Variants in SCAI observed in about 807,000 individuals in gnomAD.
The protein encoded by SCAI is protein SCAI.
In SCAI, 24 loss-of-function variants were observed where a neutral mutation model predicts 92.2. The observed-to-expected ratio is 0.26, with a 90% CI of 0.19 to 0.37. The LOEUF is 0.37. SCAI is among the 10% of genes least tolerant of loss of function. The pLI is 1.00. For synonymous variants in SCAI, 261 were observed against 258.6 expected, an observed-to-expected ratio of 1.01 and a Z score of -0.09; for missense variants, 450 against 736.2, an observed-to-expected ratio of 0.61 and a Z score of 4.50.
At chr9:125,015,665 C>G (rs1832742756) in intron 9 of SCAI, among the ~76,000 whole-genome samples, 2 of 152,106 alleles carry the variant, frequency 1.3e-5, no homozygotes, top group Admixed American at 6.6e-5. Flanking sequence ...TTTGACCCAG[C>G]CATCCCATTA....
At chr9:125,096,834 G>A (rs1018480199) in intron 2 of SCAI, among the ~76,000 whole-genome samples, 2 of 152,198 alleles carry the variant, frequency 1.3e-5, no homozygotes, top group African/African-American at 4.8e-5. Context: ...AAACGAAAAT[G>A]AAATTATATG....
In SCAI at chr9:124,961,421, G is replaced by A. The variant is rs187688457; in HGVS notation, c.1675-8468C>T. 3.1e-4 allele frequency among the ~76,000 whole-genome samples: 47 copies of A among 151,926 alleles called. 1 individual carries two copies. The East Asian group carries it at 7.5e-3, about 24-fold the overall frequency. ...TCCTAGAACTTTGGGAGGCTGAGGC[G>A]GTTGGATCACCTGAGGCCAGGAGTT... On this transcript the variant is annotated intron_variant, in intron 17 of 17. Transcript: ENST00000336505.
At chr9:125,111,759 A>C in intron 2 of SCAI, among the ~76,000 whole-genome samples, 1 of 152,140 alleles carries the variant, frequency 6.6e-6, no homozygotes, top group East Asian at 1.9e-4. Context: ...AGGGCCTACA[A>C]CTACCCCAGC....
At chr9:125,114,768 CTTTTTTTT>C (rs10541713) in intron 2 of SCAI, among the ~76,000 whole-genome samples, 4 of 81,674 alleles carry the variant, frequency 4.9e-5, no homozygotes, top group African/African-American at 5.4e-5. Context: ...CCACACCCGG[CTTTTTTTT>C]TTTTTTTTTT....
chr9:125,085,753 C>T (rs538963347), intron 2 of SCAI, among the ~76,000 whole-genome samples: 3 of 152,234 alleles, frequency 2.0e-5, no homozygotes, highest in South Asian at 2.1e-4. Context: ...GGCAACAAAG[C>T]GAGACCTTGT....
chr9:125,061,737 G>T lies in SCAI; in HGVS notation c.99-5730C>A, dbSNP rs146293860. 3.4e-3 allele frequency among the ~76,000 whole-genome samples: 521 copies of T among 151,960 alleles called. 7 individuals are homozygous for T. The highest frequency in any genetic ancestry group is 0.024 in the South Asian group (116 of 4,802). Reference sequence around the variant, plus strand: ...ACAGTGTCACTGCACACCACTGGAGGCAACAGAGCAAGACCCAGCTCAAAA... The same window carrying T: ...ACAGTGTCACTGCACACCACTGGAGTCAACAGAGCAAGACCCAGCTCAAAA... On this transcript the variant is annotated intron_variant, in intron 2 of 17. Coordinates refer to ENST00000336505, the MANE Select transcript of SCAI (RefSeq NM_001144877.3).
rs1396912541 is a variant in SCAI at position 124,950,415 on chromosome 9, G to C, written c.*2392C>G. 6.6e-6 allele frequency: 1 copy of C among 152,112 alleles called. No individual in the cohort carries two copies. Among genetic ancestry groups the C allele is most frequent in the African/African-American group, 2.4e-5 (1 of 41,414 alleles). The allele number at this position is 152,112 out of a possible 1,614,324, so 9.4% of individuals were successfully genotyped here. On this transcript the variant is annotated 3_prime_UTR_variant, in exon 18 of 18. Transcript: ENST00000336505. ...TAGAACTTAGGTCTCCTAGTTCTCA[G>C]ACCAGTGTTCTTTATGCTTAACGGG...
chr9:125,007,149 G>C (rs905338912), intron 9 of SCAI, among the ~76,000 whole-genome samples: 3 of 151,932 alleles, frequency 2.0e-5, no homozygotes. Flanking sequence ...AATGCTGGGG[G>C]ATTTGATTAT....
At chr9:125,107,715 T>C (rs1834829810) in intron 2 of SCAI, among the ~76,000 whole-genome samples, 1 of 151,842 alleles carries the variant, frequency 6.6e-6, no homozygotes, top group South Asian at 2.1e-4. Flanking sequence ...CTGCAGTGAG[T>C]TATGATTGTG....
chr9:124,977,221 A>T (rs1831778714), intron 14 of SCAI, among the ~76,000 whole-genome samples: 1 of 152,184 alleles, frequency 6.6e-6, no homozygotes. Flanking sequence ...CATTACACTA[A>T]CTTATTAAAA....
intron 2 of SCAI, among the ~76,000 whole-genome samples, chr9:125,139,064 G>T (rs1835607998): frequency 6.6e-6 from 1 of 152,158 alleles, no homozygotes; most frequent in Admixed American, 6.6e-5. Context: ...AAAGGAGGGG[G>T]CTTGTCAAGG....
chr9:125,067,965 G>C (rs559828266), intron 2 of SCAI, among the ~76,000 whole-genome samples: 1 of 152,230 alleles, frequency 6.6e-6, no homozygotes, highest in Non-Finnish European at 1.5e-5. Flanking sequence ...CTGCCTCTCT[G>C]GACTGAATTC....
chr9:125,117,702 T>C (rs547329478), intron 2 of SCAI, among the ~76,000 whole-genome samples: 60 of 150,680 alleles, frequency 4.0e-4, no homozygotes, highest in African/African-American at 1.4e-3. Flanking sequence ...TTGAGGAACT[T>C]TGAAGCATTT....
intron 14 of SCAI, among the ~76,000 whole-genome samples, chr9:124,982,692 A>G (rs970688448): frequency 6.6e-6 from 1 of 151,684 alleles, no homozygotes; most frequent in African/African-American, 2.4e-5. Context: ...AAAAAAAAAA[A>G]AAAAAAAAAA....
chr9:125,041,263 TTA>T lies in SCAI; in HGVS notation c.231-11526_231-11525del, dbSNP rs530135052. ...CATTTATTGTAAGTTTTCATCTTTTTTATGTCTCCACGGATCTCTAATGAGAG... is the reference window on the plus strand; with the variant it reads ...CATTTATTGTAAGTTTTCATCTTTTTTGTCTCCACGGATCTCTAATGAGAG... On this transcript the variant is annotated intron_variant, in intron 3 of 17. Transcript: ENST00000336505. Among the ~76,000 whole-genome samples the T allele has an allele frequency of 2.1e-3, 319 of 152,332 alleles. 2 individuals are homozygous for T. The highest frequency in any genetic ancestry group is 3.4e-3 in the Middle Eastern group (1 of 294).
At chr9:124,962,294 A>G (rs1831455412) in intron 17 of SCAI, among the ~76,000 whole-genome samples, 1 of 150,762 alleles carries the variant, frequency 6.6e-6, no homozygotes, top group Non-Finnish European at 1.5e-5. Context: ...CGAGTAGCTG[A>G]GACTACAGGC....
chr9:125,085,494 GA>G (rs60913083), intron 2 of SCAI, among the ~76,000 whole-genome samples: 2 of 150,718 alleles, frequency 1.3e-5, no homozygotes, highest in African/African-American at 4.9e-5. Context: ...TCTCAAAAAA[GA>G]AAAAAAATCA....
intron 15 of SCAI, among the ~76,000 whole-genome samples, chr9:124,973,655 T>A (rs1286549071): frequency 6.6e-6 from 1 of 151,712 alleles, no homozygotes; most frequent in Admixed American, 6.6e-5. Flanking sequence ...ACATTTTTAG[T>A]CTCTCATAAA....
chr9:125,110,910 C>T (rs1239545083), intron 2 of SCAI, among the ~76,000 whole-genome samples: 1 of 152,174 alleles, frequency 6.6e-6, no homozygotes, highest in African/African-American at 2.4e-5. Context: ...TGCTGCCATG[C>T]TTCCTGAACA....
Sources: allele counts gnomAD v4.1 joint callset (sites outside exome capture counted in the v4.1 genomes callset), GRCh38; gene constraint gnomAD v4.1.1; transcripts MANE v1.5; gene names NCBI Gene and HGNC (gene_info 2026-07-23, HGNC 2026-07-21).